The following IQGAP2 variants were observed in gnomAD, a reference collection of about 807,000 sequenced individuals.
The protein encoded by IQGAP2 is IQ motif containing GTPase activating protein 2, also known as ras GTPase-activating-like protein IQGAP2.
In IQGAP2, 173 loss-of-function variants were observed where a neutral mutation model predicts 201.3. The ratio of observed to expected loss-of-function variants is 0.86; its 90% CI spans 0.76 to 0.98. IQGAP2 has a LOEUF of 0.98. Ranked by LOEUF, IQGAP2 falls within the 50% of genes least tolerant of loss-of-function variation. IQGAP2 has a pLI of 0.00. For missense variants in IQGAP2, 1,687 were observed against 1,864.8 expected (o/e 0.90, Z 1.76); for synonymous variants, 675 against 673.9 (o/e 1.00, Z -0.03).
At chr5:76,493,828 C>T (rs766817709) in intron 2 of IQGAP2, among the ~76,000 whole-genome samples, 1 of 152,150 alleles carries the variant, frequency 6.6e-6, no homozygotes, top group Non-Finnish European at 1.5e-5. Flanking sequence ...TTCCCCACTA[C>T]CAAGTGGATT....
chr5:76,653,989 A>T (rs1372541231), intron 18 of IQGAP2, among the ~76,000 whole-genome samples: 2 of 152,244 alleles, frequency 1.3e-5, no homozygotes, highest in Admixed American at 1.3e-4. Flanking sequence ...TTAGAGTAAC[A>T]TGTAAAGCGT....
intron 2 of IQGAP2, among the ~76,000 whole-genome samples, chr5:76,514,260 G>A (rs1758166906): frequency 6.6e-6 from 1 of 151,964 alleles, no homozygotes; most frequent in Admixed American, 6.6e-5. Flanking sequence ...CTGACCTCAA[G>A]TGATCTACTC....
At chr5:76,558,849 C>T (rs1365100960) in intron 2 of IQGAP2, among the ~76,000 whole-genome samples, 1 of 152,158 alleles carries the variant, frequency 6.6e-6, no homozygotes, top group African/African-American at 2.4e-5. Flanking sequence ...GGTGCAGAAC[C>T]CTCCCTTCAA....
intron 1 of IQGAP2, among the ~76,000 whole-genome samples, chr5:76,456,268 C>G (rs1754078808): frequency 3.3e-5 from 5 of 152,158 alleles, no homozygotes; most frequent in African/African-American, 1.2e-4. Flanking sequence ...TCTCTTTCAT[C>G]GTTTCAGATT....
intron 2 of IQGAP2, chr5:76,547,322 A>G (rs1743157959): frequency 2.7e-6 from 1 of 368,342 alleles, no homozygotes; most frequent in Admixed American, 6.5e-5. Flanking sequence ...TTCTATGTTG[A>G]AATATGGGCT....
At position 76,570,579 on chromosome 5, in the gene IQGAP2, G is replaced by T. The variant is rs1188397588; in HGVS notation, c.304-1G>T. On this transcript the variant is annotated splice_acceptor_variant, in intron 3 of 35. Coordinates refer to ENST00000274364, the MANE Select transcript of IQGAP2 (RefSeq NM_006633.5). LOFTEE classifies it high-confidence loss of function. ...CTTTTTCCCTCCTATCGTCACTTTAGAAGTCTGGCCTTCATTTTCGACACA... is the reference window on the plus strand; with the variant it reads ...CTTTTTCCCTCCTATCGTCACTTTATAAGTCTGGCCTTCATTTTCGACACA... 6.2e-7 allele frequency: 1 copy of T among 1,610,048 alleles called. No homozygotes were observed.
chr5:76,597,727 C>T, intron 10 of IQGAP2, 125 bp downstream of exon 10: 3 of 893,372 alleles, frequency 3.4e-6, no homozygotes, highest in Non-Finnish European at 5.1e-6. Flanking sequence ...CCTGGTCTCA[C>T]TGGCCCACCT....
intron 2 of IQGAP2, among the ~76,000 whole-genome samples, chr5:76,549,320 A>AGTGTGTGT (rs35060845): frequency 6.0e-4 from 88 of 147,836 alleles, no homozygotes; most frequent in Middle Eastern, 3.5e-3. Flanking sequence ...CGAGCTCTGG[A>AGTGTGTGT]GTGTGTGTGT....
chr5:76,631,749 T>C, intron 14 of IQGAP2, 110 bp from the exon 15 acceptor site: 1 of 747,248 alleles, frequency 1.3e-6, no homozygotes, highest in Non-Finnish European at 2.1e-6. Flanking sequence ...TCTCAAAGGG[T>C]AAAAATGTTT....
At chr5:76,458,976 A>G (rs1754263916) in intron 1 of IQGAP2, among the ~76,000 whole-genome samples, 1 of 152,136 alleles carries the variant, frequency 6.6e-6, no homozygotes, top group Non-Finnish European at 1.5e-5. Context: ...CTGTTAACCA[A>G]AGCAGGATAG....
chr5:76,566,363 G>T (rs1744749880), intron 3 of IQGAP2, among the ~76,000 whole-genome samples: 1 of 152,176 alleles, frequency 6.6e-6, no homozygotes, highest in Non-Finnish European at 1.5e-5. Flanking sequence ...TCACCTGTGT[G>T]CAGTCAAGGG....
chr5:76,684,237 C>T (rs1745547222), intron 30 of IQGAP2, among the ~76,000 whole-genome samples: 1 of 152,176 alleles, frequency 6.6e-6, no homozygotes, highest in South Asian at 2.1e-4. Flanking sequence ...ACAGAGTGGC[C>T]AGAAGATTAG....
chr5:76,568,965 G>A (rs764878509), intron 3 of IQGAP2, among the ~76,000 whole-genome samples: 1 of 152,196 alleles, frequency 6.6e-6, no homozygotes, highest in Non-Finnish European at 1.5e-5. Context: ...TGGTCACAGA[G>A]TGGCCTTGTC....
chr5:76,671,994 C>G lies in IQGAP2; in HGVS notation c.3068+11C>G, dbSNP rs377509779. The G allele has an allele frequency of 1.3e-6, 2 of 1,577,718 alleles. No homozygotes were observed. The highest frequency in any genetic ancestry group is 1.7e-6 in the Non-Finnish European group (2 of 1,148,378). On this transcript the variant is annotated intron_variant, in intron 24 of 35. Transcript: ENST00000274364. ...GACTGGAGAGGCCAGGTAATAGAAT[C>G]AGGAAGGTGTTGGTCTTCTGTTATG...
chr5:76,663,396 A>G (rs1743442537), intron 21 of IQGAP2, among the ~76,000 whole-genome samples: 1 of 152,172 alleles, frequency 6.6e-6, no homozygotes, highest in South Asian at 2.1e-4. Context: ...AGGAAAAGCA[A>G]CTTTCTTGCC....
rs114754575 is a variant in IQGAP2 at position 76,621,211 on chromosome 5, G to A, written c.1522-6199G>A. On this transcript the variant is annotated intron_variant, in intron 13 of 35. Transcript: ENST00000274364. Reference sequence around the variant, plus strand: ...CTTTAATCTCTAGCAGTTAGCTCCCGGGTGAAATGGAAACCCTCCACGTAA... The same window carrying A: ...CTTTAATCTCTAGCAGTTAGCTCCCAGGTGAAATGGAAACCCTCCACGTAA... Among the ~76,000 whole-genome samples the A allele has an allele frequency of 2.5e-3, 375 of 152,236 alleles. 3 individuals are homozygous for A. Among genetic ancestry groups the A allele is most frequent in the African/African-American group, 8.5e-3 (353 of 41,526 alleles).
At chr5:76,687,907 C>T (rs545328095) in intron 30 of IQGAP2, among the ~76,000 whole-genome samples, 3 of 152,220 alleles carry the variant, frequency 2.0e-5, no homozygotes, top group South Asian at 2.1e-4. Flanking sequence ...ATAAATGTAA[C>T]GCACTTGAAT....
Position 76,654,264 on chromosome 5 carries a change from G to A in IQGAP2, c.2243G>A (p.Arg748Lys). 2 of 1,605,276 alleles carry A rather than the reference G, an allele frequency of 1.2e-6. No homozygotes were observed. Among genetic ancestry groups the A allele is most frequent in the Non-Finnish European group, 1.7e-6 (2 of 1,174,134 alleles). ...KSYLSRLQYF[R>K]DHNNEIVKIQ... ...TATCTTTCAAGACTACAGTATTTCA[G>A]AGATCATGTAAGAAAAATGCCTGTG... Residue 748 changes from arginine (R) to lysine (K), a missense_variant, in exon 19 of 36, where the codon AGA becomes AAA. Transcript: ENST00000274364.
intron 2 of IQGAP2, among the ~76,000 whole-genome samples, chr5:76,560,417 A>G (rs545796588): frequency 8.6e-5 from 13 of 151,872 alleles, no homozygotes; most frequent in African/African-American, 3.1e-4. Context: ...TCACCCTCCC[A>G]AAGTGCTGGA....
Sources: gnomAD v4.1 joint callset for allele counts (sites outside exome capture counted in the v4.1 genomes callset) on GRCh38, gnomAD v4.1.1 for gene constraint, MANE v1.5 for transcripts, NCBI Gene and HGNC (gene_info 2026-07-23, HGNC 2026-07-21) for gene names.